DPP6: variants seen among roughly 807,000 people sequenced by gnomAD.
DPP6 encodes A-type potassium channel modulatory protein DPP6.
A neutral mutation model predicts 122.6 loss-of-function variants in DPP6; 69 were observed. That is an observed-to-expected ratio of 0.56 (90% confidence interval 0.46 to 0.69). DPP6 has a LOEUF of 0.69. Among genes scored for constraint, DPP6 ranks in the 30% least tolerant of loss-of-function variants. DPP6 has a pLI of 0.00. For synonymous variants in DPP6, 418 were observed against 433.1 expected, an observed-to-expected ratio of 0.97 and a Z score of 0.43; for missense variants, 928 against 1,116.9, an observed-to-expected ratio of 0.83 and a Z score of 2.41.
At chr7:154,119,640 C>T (rs901413648) in intron 1 of DPP6, among the ~76,000 whole-genome samples, 2 of 130,590 alleles carry the variant, frequency 1.5e-5, no homozygotes, top group African/African-American at 5.2e-5. Flanking sequence ...AAGATTACCC[C>T]CAGGAGCTTC....
chr7:153,971,475 T>C (rs1475488212), intron 1 of DPP6, among the ~76,000 whole-genome samples: 5 of 146,672 alleles, frequency 3.4e-5, no homozygotes, highest in Admixed American at 7.0e-5. Context: ...TGACTAGAAG[T>C]GTGAGAGATT....
the DPP6 span, among the ~76,000 whole-genome samples, chr7:153,824,704 A>G: frequency 6.6e-6 from 1 of 152,036 alleles, no homozygotes; most frequent in Admixed American, 6.5e-5. Flanking sequence ...TAAAAATAAA[A>G]AAAAAAAGAT....
chr7:154,189,387 G>A (rs1798503981), intron 1 of DPP6, among the ~76,000 whole-genome samples: 1 of 152,180 alleles, frequency 6.6e-6, no homozygotes, highest in Admixed American at 6.5e-5. Flanking sequence ...GTTTGGGGGT[G>A]AAGATTAAAT....
intron 1 of DPP6, among the ~76,000 whole-genome samples, chr7:154,203,394 A>G (rs1799271957): frequency 1.3e-5 from 2 of 152,252 alleles, no homozygotes; most frequent in South Asian, 2.1e-4. Flanking sequence ...CCCAGAGTTG[A>G]AGCCATCTGA....
intron 1 of DPP6, among the ~76,000 whole-genome samples, chr7:153,922,169 G>T (rs1414904034): frequency 6.6e-6 from 1 of 152,080 alleles, no homozygotes; most frequent in African/African-American, 2.4e-5. Context: ...CATACAAACT[G>T]TAAACCCAAG....
intron 16 of DPP6, among the ~76,000 whole-genome samples, chr7:154,851,521 G>A (rs1472941372): frequency 6.6e-6 from 1 of 152,178 alleles, no homozygotes; most frequent in Non-Finnish European, 1.5e-5. Flanking sequence ...GGGGGGAAAT[G>A]AATCTTAGAG....
rs997496626 is a variant in DPP6 at position 154,415,460 on chromosome 7, A to G, written c.244-30754A>G. ...TGGTGTGAGTAGTAGGTCTGTGGCA[A>G]CTTTGCAGAGTTTTGTGGAGAATTT... is the stretch of plus-strand genomic sequence containing the variant. On this transcript the variant is annotated intron_variant, in intron 1 of 25. Coordinates refer to ENST00000377770, the MANE Select transcript of DPP6 (RefSeq NM_130797.4). Among the ~76,000 whole-genome samples the G allele has an allele frequency of 2.6e-5, 4 of 152,100 alleles. No individual in the cohort carries two copies. In the South Asian group the frequency reaches 8.3e-4, roughly 32 times the overall value.
intron 1 of DPP6, among the ~76,000 whole-genome samples, chr7:154,098,738 A>AAG (rs56938579): frequency 0.45 from 65,647 of 147,274 alleles, 13,805 homozygotes; most frequent in African/African-American, 0.54. Context: ...AAGGAGAAGA[A>AAG]AGAGGAATGG....
intron 7 of DPP6, among the ~76,000 whole-genome samples, chr7:154,706,249 G>A (rs189151768): frequency 6.6e-6 from 1 of 152,238 alleles, no homozygotes; most frequent in African/African-American, 2.4e-5. Flanking sequence ...TCGGAGGATT[G>A]TCCTTTCTTG....
the DPP6 span, among the ~76,000 whole-genome samples, chr7:153,799,945 G>A: frequency 6.6e-6 from 1 of 152,264 alleles, no homozygotes; most frequent in Middle Eastern, 3.4e-3. Context: ...GCACAGAAAG[G>A]GGAATGCTAG....
the DPP6 span, among the ~76,000 whole-genome samples, chr7:153,786,995 G>A: frequency 4.1e-5 from 6 of 145,602 alleles, no homozygotes; most frequent in Non-Finnish European, 9.1e-5. Context: ...TCTGTCGCCC[G>A]GGCTGGAGTG....
chr7:153,926,492 A>G (rs940383970), intron 1 of DPP6, among the ~76,000 whole-genome samples: 1 of 152,122 alleles, frequency 6.6e-6, no homozygotes, highest in African/African-American at 2.4e-5. Flanking sequence ...TGATTTGTAG[A>G]GAGTGCTTTT....
chr7:154,617,306 G>A (rs910522937), intron 5 of DPP6, among the ~76,000 whole-genome samples: 1 of 152,168 alleles, frequency 6.6e-6, no homozygotes, highest in Non-Finnish European at 1.5e-5. Flanking sequence ...TTTCTTTGGG[G>A]ATATAAAATG....
chr7:154,658,938 C>T (rs1837445310), intron 6 of DPP6, among the ~76,000 whole-genome samples: 3 of 152,286 alleles, frequency 2.0e-5, no homozygotes, highest in African/African-American at 4.8e-5. Context: ...CCAAGTTGGG[C>T]ATTCGCTAGT....
chr7:153,848,482 A>G, the DPP6 span, among the ~76,000 whole-genome samples: 2 of 152,146 alleles, frequency 1.3e-5, no homozygotes, highest in East Asian at 1.9e-4. Flanking sequence ...TTCTCTATCT[A>G]TAATTTTTCC....
intron 3 of DPP6, among the ~76,000 whole-genome samples, chr7:154,489,484 G>A (rs1012995401): frequency 6.6e-5 from 10 of 152,144 alleles, no homozygotes; most frequent in Non-Finnish European, 1.5e-4. Flanking sequence ...TCTCTTTAGT[G>A]TAAAAGTGGT....
At chr7:154,106,099 G>A (rs1806143673) in intron 1 of DPP6, among the ~76,000 whole-genome samples, 1 of 151,976 alleles carries the variant, frequency 6.6e-6, no homozygotes, top group African/African-American at 2.4e-5. Flanking sequence ...GGAGAGAAAG[G>A]GGTGGCAGAC....
At chr7:154,054,255 C>T (rs528290569) in intron 1 of DPP6, among the ~76,000 whole-genome samples, 3 of 152,318 alleles carry the variant, frequency 2.0e-5, no homozygotes, top group Non-Finnish European at 2.9e-5. Flanking sequence ...TCTCTGCAGC[C>T]TCCAGCCACG....
chr7:153,932,845 A>G (rs1292146342), intron 1 of DPP6, among the ~76,000 whole-genome samples: 3 of 152,048 alleles, frequency 2.0e-5, no homozygotes, highest in African/African-American at 7.2e-5. Context: ...TCCCCACCCA[A>G]ATCTCATCGT....
Sources: gnomAD v4.1 joint callset for allele counts (sites outside exome capture counted in the v4.1 genomes callset) on GRCh38, gnomAD v4.1.1 for gene constraint, MANE v1.5 for transcripts, NCBI Gene and HGNC (gene_info 2026-07-23, HGNC 2026-07-21) for gene names.